The following RALYL variants were observed in gnomAD, a reference collection of about 807,000 sequenced individuals.
The protein encoded by RALYL is RNA-binding Raly-like protein.
In RALYL, 29 loss-of-function variants were observed where a neutral mutation model predicts 35.1. The ratio of observed to expected loss-of-function variants is 0.83; its 90% CI spans 0.61 to 1.13. The LOEUF is 1.13. Among genes scored for constraint, RALYL ranks in the 50% most tolerant of loss-of-function variants. RALYL has a pLI of 0.00. For missense variants in RALYL, 359 were observed against 360.4 expected (o/e 1.00, Z 0.03); for synonymous variants, 120 against 127.6 (o/e 0.94, Z 0.40).
At chr8:84,661,270 T>C (rs1452233334) in intron 2 of RALYL, among the ~76,000 whole-genome samples, 1 of 152,048 alleles carries the variant, frequency 6.6e-6, no homozygotes, top group Non-Finnish European at 1.5e-5. Context: ...ATTATTATTA[T>C]TTTTGCCCTG....
At chr8:84,599,998 C>G (rs1815539112) in intron 2 of RALYL, among the ~76,000 whole-genome samples, 1 of 147,340 alleles carries the variant, frequency 6.8e-6, no homozygotes, top group Admixed American at 6.9e-5. Context: ...GGGTCACTTT[C>G]TGTTTTGAAT....
chr8:84,649,761 T>C (rs1367330873), intron 2 of RALYL, among the ~76,000 whole-genome samples: 1 of 152,074 alleles, frequency 6.6e-6, no homozygotes, highest in Non-Finnish European at 1.5e-5. Flanking sequence ...CTTGGTGATG[T>C]GGGCTCTTTT....
chr8:84,388,650 T>C (rs965901888), intron 1 of RALYL, among the ~76,000 whole-genome samples: 3 of 152,122 alleles, frequency 2.0e-5, no homozygotes, highest in Admixed American at 6.5e-5. Context: ...TTTTGAGAAG[T>C]GTCTGTTCAT....
intron 8 of RALYL, among the ~76,000 whole-genome samples, chr8:84,915,548 C>T (rs888029001): frequency 6.6e-6 from 1 of 152,078 alleles, no homozygotes; most frequent in South Asian, 2.1e-4. Flanking sequence ...CGATTATCTA[C>T]AAATAGAGCA....
At chr8:84,297,930 G>A (rs750504813) in intron 1 of RALYL, among the ~76,000 whole-genome samples, 2 of 151,700 alleles carry the variant, frequency 1.3e-5, no homozygotes, top group Non-Finnish European at 3.0e-5. Flanking sequence ...ATAGACTCTT[G>A]ATAGCCCTTT....
At chr8:84,792,723 G>A (rs1821088709) in intron 3 of RALYL, among the ~76,000 whole-genome samples, 1 of 152,122 alleles carries the variant, frequency 6.6e-6, no homozygotes, top group Admixed American at 6.5e-5. Context: ...TCTTCACATA[G>A]TCTCTCCCTG....
At chr8:84,512,720 G>A (rs941240577) in intron 1 of RALYL, among the ~76,000 whole-genome samples, 1 of 152,034 alleles carries the variant, frequency 6.6e-6, no homozygotes, top group Non-Finnish European at 1.5e-5. Flanking sequence ...GATAATAGAC[G>A]GGTCTAGTTT....
chr8:84,385,246 GA>G (rs1243653303), intron 1 of RALYL, among the ~76,000 whole-genome samples: 3 of 151,002 alleles, frequency 2.0e-5, no homozygotes, highest in South Asian at 2.1e-4. Context: ...ACTTGTTAAA[GA>G]AAAAAAATGC....
chr8:84,468,629 T>G (rs1423318453), intron 1 of RALYL, among the ~76,000 whole-genome samples: 2 of 148,214 alleles, frequency 1.3e-5, no homozygotes, highest in East Asian at 2.0e-4. Context: ...GTCTTGGAGT[T>G]GCTCTTCTCG....
At chr8:84,555,621 TCTGTTTTGAC>T (rs2061059964) in intron 2 of RALYL, among the ~76,000 whole-genome samples, 1 of 152,256 alleles carries the variant, frequency 6.6e-6, no homozygotes, top group African/African-American at 2.4e-5. Context: ...ATGTGAATGT[TCTGTTTTGAC>T]ATTTTAATTT....
intron 1 of RALYL, among the ~76,000 whole-genome samples, chr8:84,419,957 T>G (rs1191827304): frequency 6.6e-6 from 1 of 151,164 alleles, no homozygotes; most frequent in Non-Finnish European, 1.5e-5. Context: ...GTTGGACATT[T>G]GGGTTGGTTC....
At chr8:84,322,122 A>C (rs1384573328) in intron 1 of RALYL, among the ~76,000 whole-genome samples, 1 of 152,130 alleles carries the variant, frequency 6.6e-6, no homozygotes, top group Non-Finnish European at 1.5e-5. Flanking sequence ...TAAAGCAGAC[A>C]AAAACTCATT....
chr8:84,569,334 G>A (rs1056915355), intron 2 of RALYL, among the ~76,000 whole-genome samples: 6 of 151,822 alleles, frequency 4.0e-5, no homozygotes, highest in Admixed American at 3.3e-4. Flanking sequence ...TTTTTCTCAG[G>A]TTTGTCAAAG....
intron 1 of RALYL, among the ~76,000 whole-genome samples, chr8:84,490,866 A>G (rs1254178206): frequency 6.6e-6 from 1 of 151,804 alleles, no homozygotes; most frequent in Non-Finnish European, 1.5e-5. Flanking sequence ...TGGAGGGATC[A>G]TTCAATGTGA....
intron 2 of RALYL, among the ~76,000 whole-genome samples, chr8:84,766,478 G>A (rs1250807860): frequency 6.6e-6 from 1 of 151,010 alleles, no homozygotes; most frequent in East Asian, 1.9e-4. Flanking sequence ...TGGATCACGA[G>A]TTCAGGAGAT....
At chr8:84,570,421 C>A (rs559070818) in intron 2 of RALYL, among the ~76,000 whole-genome samples, 1 of 151,678 alleles carries the variant, frequency 6.6e-6, no homozygotes. Context: ...GAGTTGTGTA[C>A]ATTGATTTCA....
chr8:84,412,763 C>T (rs1029738016), intron 1 of RALYL, among the ~76,000 whole-genome samples: 40 of 151,962 alleles, frequency 2.6e-4, no homozygotes, highest in African/African-American at 9.7e-4. Flanking sequence ...GCAGAAAGAG[C>T]TTTGTCATTA....
intron 1 of RALYL, among the ~76,000 whole-genome samples, chr8:84,236,910 G>A (rs185701970): frequency 6.6e-6 from 1 of 152,278 alleles, no homozygotes; most frequent in Admixed American, 6.5e-5. Context: ...AAATAATATG[G>A]TGTAGTATAA....
At chr8:84,578,191 C>T (rs371282319) in intron 2 of RALYL, among the ~76,000 whole-genome samples, 1 of 152,260 alleles carries the variant, frequency 6.6e-6, no homozygotes, top group Non-Finnish European at 1.5e-5. Context: ...GTGGGATGGG[C>T]AGCTCTGGGT....
Sources: allele counts gnomAD v4.1 joint callset (sites outside exome capture counted in the v4.1 genomes callset), GRCh38; gene constraint gnomAD v4.1.1; transcripts MANE v1.5; gene names NCBI Gene and HGNC (gene_info 2026-07-23, HGNC 2026-07-21).